The following RAB3C variants were observed in gnomAD, a reference collection of about 807,000 sequenced individuals.
The protein encoded by RAB3C is RAB3C, member RAS oncogene family.
RAB3C carries 17 observed loss-of-function variants against 26.4 expected under a neutral mutation model. That is an observed-to-expected ratio of 0.64 (90% CI 0.44 to 0.97). The LOEUF is 0.97. Ranked by LOEUF, RAB3C falls within the 50% of genes least tolerant of loss-of-function variation. The pLI, the probability that RAB3C is intolerant of heterozygous loss-of-function variation, is 0.00. For synonymous variants in RAB3C, 91 were observed against 95.9 expected (o/e 0.95, Z 0.30); for missense variants, 242 against 281.9 (o/e 0.86, Z 1.01).
intron 2 of RAB3C, among the ~76,000 whole-genome samples, chr5:58,700,063 G>A (rs1013584753): frequency 6.6e-6 from 1 of 152,178 alleles, no homozygotes; most frequent in Admixed American, 6.5e-5. Flanking sequence ...GCTGGGAGCT[G>A]CAGACCAGAG....
chr5:58,811,653 T>G (rs1743093845), intron 3 of RAB3C, among the ~76,000 whole-genome samples: 1 of 152,036 alleles, frequency 6.6e-6, no homozygotes, highest in South Asian at 2.1e-4. Flanking sequence ...CCCTCCCCTT[T>G]CCCCAAGATA....
At chr5:58,658,058 A>C (rs1241809984) in intron 2 of RAB3C, among the ~76,000 whole-genome samples, 1 of 152,198 alleles carries the variant, frequency 6.6e-6, no homozygotes, top group Non-Finnish European at 1.5e-5. Context: ...GCACACTTAA[A>C]AATACAGAGA....
At chr5:58,702,032 A>G (rs1023397185) in intron 2 of RAB3C, among the ~76,000 whole-genome samples, 4 of 152,164 alleles carry the variant, frequency 2.6e-5, no homozygotes, top group Non-Finnish European at 5.9e-5. Flanking sequence ...TGGTCCTGCC[A>G]TTTTCCTGCA....
At chr5:58,692,383 T>C (rs958189627) in intron 2 of RAB3C, among the ~76,000 whole-genome samples, 1 of 151,996 alleles carries the variant, frequency 6.6e-6, no homozygotes, top group Admixed American at 6.6e-5. Flanking sequence ...ACTGACCTCA[T>C]ATTTATAATT....
Position 58,837,982 on chromosome 5 carries a change from C to T in RAB3C, c.496+12820C>T, listed in dbSNP as rs571445372. ...TGATCCTTTATATTTCTGTGGTATA[C>T]ATTTTGATGTCTCCTTTTTGTCTCT... On this transcript the variant is annotated intron_variant, in intron 4 of 4. Transcript: ENST00000282878. Among the ~76,000 whole-genome samples, 6 of 152,286 alleles carry T rather than the reference C, an allele frequency of 3.9e-5. No individual in the cohort carries two copies. The South Asian group carries it at 1.2e-3, about 32-fold the overall frequency.
chr5:58,588,548 G>T (rs1306506681), intron 1 of RAB3C, among the ~76,000 whole-genome samples: 1 of 152,084 alleles, frequency 6.6e-6, no homozygotes, highest in Non-Finnish European at 1.5e-5. Flanking sequence ...CATCTGGGGG[G>T]TTTGTTTTTA....
At chr5:58,704,029 G>T (rs182087613) in intron 2 of RAB3C, among the ~76,000 whole-genome samples, 1 of 152,282 alleles carries the variant, frequency 6.6e-6, no homozygotes. Context: ...GAGCAGGTTT[G>T]TAGAAGAATT....
At position 58,855,297 on chromosome 5, in the gene RAB3C, T is replaced by C. The variant is rs1744231891; in HGVS notation, c.*3946T>C. Reference sequence around the variant, plus strand: ...AAAAAAGTCATAACTAAAACCCTTCTAGACCAAAAAGTTACTGTGTGTTTG... The same window carrying C: ...AAAAAAGTCATAACTAAAACCCTTCCAGACCAAAAAGTTACTGTGTGTTTG... On this transcript the variant is annotated 3_prime_UTR_variant, in exon 5 of 5. Transcript: ENST00000282878. The C allele has an allele frequency of 6.6e-6, 1 of 152,236 alleles. No homozygotes were observed. The highest frequency in any genetic ancestry group is 1.5e-5 in the Non-Finnish European group (1 of 68,038). The allele number at this position is 152,236 out of a possible 1,614,324, so 9.4% of individuals were successfully genotyped here.
chr5:58,622,924 A>G (rs426502), intron 2 of RAB3C, among the ~76,000 whole-genome samples: 37,816 of 152,120 alleles, frequency 0.25, 4,954 homozygotes, highest in Admixed American at 0.31. Context: ...GTGATTTGTC[A>G]GAAGTTTCAG....
chr5:58,756,024 T>A (rs956132682), intron 3 of RAB3C, among the ~76,000 whole-genome samples: 2 of 151,930 alleles, frequency 1.3e-5, no homozygotes, highest in Admixed American at 6.6e-5. Flanking sequence ...TTGGAAAAAA[T>A]TTAAATTTTA....
chr5:58,831,016 T>C (rs1289170423), intron 4 of RAB3C, among the ~76,000 whole-genome samples: 2 of 152,078 alleles, frequency 1.3e-5, no homozygotes, highest in African/African-American at 2.4e-5. Context: ...ACTGGAACTA[T>C]AGGCATGCAC....
intron 2 of RAB3C, among the ~76,000 whole-genome samples, chr5:58,677,028 C>T (rs1034892915): frequency 5.9e-5 from 9 of 152,118 alleles, no homozygotes; most frequent in Admixed American, 3.9e-4. Context: ...TTATCAGGAG[C>T]GTGCTCCCTC....
intron 3 of RAB3C, among the ~76,000 whole-genome samples, chr5:58,777,026 AG>A (rs1240517543): frequency 6.6e-6 from 1 of 152,172 alleles, no homozygotes; most frequent in Non-Finnish European, 1.5e-5. Flanking sequence ...GGACACTACT[AG>A]GATTCTCAGC....
At position 58,856,120 on chromosome 5, in the gene RAB3C, T is replaced by C. The variant is rs1162734725; in HGVS notation, c.*4769T>C. The stretch of plus-strand genomic sequence containing the variant: ...TTTTAAGAAGGCAAAATTCCATCTA[T>C]GGTGCTTTCTCAGTGCTAGGGAAAA... On this transcript the variant is annotated 3_prime_UTR_variant, in exon 5 of 5. Coordinates refer to ENST00000282878, the MANE Select transcript of RAB3C (RefSeq NM_138453.4). The C allele has an allele frequency of 6.6e-6, 1 of 152,084 alleles. No individual in the cohort carries two copies. Among genetic ancestry groups the C allele is most frequent in the Non-Finnish European group, 1.5e-5 (1 of 68,020 alleles). The allele number at this position is 152,084 out of a possible 1,614,324, so 9.4% of individuals were successfully genotyped here.
At chr5:58,660,990 A>G (rs1747893659) in intron 2 of RAB3C, among the ~76,000 whole-genome samples, 1 of 146,322 alleles carries the variant, frequency 6.8e-6, no homozygotes, top group South Asian at 2.2e-4. Context: ...CCTCTCTCAC[A>G]CAGAGAGGTA....
chr5:58,695,295 G>A (rs545485172), intron 2 of RAB3C, among the ~76,000 whole-genome samples: 1 of 152,214 alleles, frequency 6.6e-6, no homozygotes, highest in South Asian at 2.1e-4. Flanking sequence ...CTCTGTTTTG[G>A]TACCATACCA....
intron 3 of RAB3C, among the ~76,000 whole-genome samples, chr5:58,787,766 T>C (rs1021338346): frequency 2.6e-5 from 4 of 152,154 alleles, no homozygotes; most frequent in African/African-American, 7.2e-5. Context: ...ATCTAAGGAC[T>C]GTGGAGAGCT....
intron 1 of RAB3C, among the ~76,000 whole-genome samples, chr5:58,596,898 T>C (rs1746290993): frequency 1.0e-5 from 1 of 95,728 alleles, no homozygotes; most frequent in Non-Finnish European, 1.8e-5. Context: ...ATATATAATA[T>C]TATATTTTAA....
intron 2 of RAB3C, among the ~76,000 whole-genome samples, chr5:58,716,552 T>A (rs1316298570): frequency 6.6e-6 from 1 of 152,078 alleles, no homozygotes; most frequent in African/African-American, 2.4e-5. Flanking sequence ...GTCTACTGCT[T>A]CAGAATAAAT....
Sources: gnomAD v4.1 joint callset for allele counts (sites outside exome capture counted in the v4.1 genomes callset) on GRCh38, gnomAD v4.1.1 for gene constraint, MANE v1.5 for transcripts, NCBI Gene and HGNC (gene_info 2026-07-23, HGNC 2026-07-21) for gene names.